The following MVB12A variants were observed in gnomAD, a reference collection of about 807,000 sequenced individuals.
MVB12A encodes the protein multivesicular body subunit 12A, also known as CIN85/CD2AP family binding protein.
A neutral mutation model predicts 34.3 loss-of-function variants in MVB12A; 30 were observed. That is an observed-to-expected ratio of 0.88 (90% CI 0.65 to 1.19). The LOEUF (loss-of-function observed/expected upper bound fraction) is 1.19, where lower values mean the gene tolerates loss of function less well. MVB12A is among the 50% of genes most tolerant of loss of function. MVB12A has a pLI of 0.00. For synonymous variants in MVB12A, 158 were observed against 158.9 expected (o/e 0.99, Z 0.04); for missense variants, 355 against 369.2 (o/e 0.96, Z 0.31).
intron 2 of MVB12A, among the ~76,000 whole-genome samples, chr19:17,409,976 C>T (rs1391085104): frequency 6.6e-6 from 1 of 151,568 alleles, no homozygotes; most frequent in African/African-American, 2.4e-5. Flanking sequence ...CCAGGCTGGT[C>T]TCGAACTCCT....
At chr19:17,412,164 C>T (rs1398469807) in intron 2 of MVB12A, among the ~76,000 whole-genome samples, 4 of 152,212 alleles carry the variant, frequency 2.6e-5, no homozygotes. Context: ...CTGGGGAGAA[C>T]TGAGTGCAGG....
chr19:17,420,683 G>A (rs1345265001), intron 3 of MVB12A, 49 bp downstream of exon 3: 1 of 1,396,236 alleles, frequency 7.2e-7, no homozygotes, highest in Admixed American at 1.7e-5. Context: ...TTGCAGGGAG[G>A]AGCGGGGGAG....
Position 17,420,328 on chromosome 19 carries a change from G to A in MVB12A, c.106G>A (p.Glu36Lys). 1.2e-6 allele frequency: 2 copies of A among 1,612,292 alleles called. No homozygotes were observed. Among genetic ancestry groups the A allele is most frequent in the Non-Finnish European group, 1.7e-6 (2 of 1,179,318 alleles). The part of the protein sequence containing the change: ...RGFSAISCTV[E>K]GAPASFGKSF... ...CTCCCGGTAGATCTCCTGCACCGTC[G>A]AGGGGGCACCCGCCAGCTTTGGCAA... The change falls in exon 2 of 9, where the codon GAG becomes AAG. Residue 36 changes from glutamate (E) to lysine (K), a missense_variant. By Grantham distance (56) the Glu-to-Lys change is moderately conservative. Transcript: ENST00000317040.
intron 2 of MVB12A, among the ~76,000 whole-genome samples, chr19:17,410,939 A>AT (rs768427573): frequency 1.4e-5 from 2 of 146,374 alleles, no homozygotes; most frequent in African/African-American, 5.0e-5. Context: ...AAAAAAAAAA[A>AT]AAAGAAAAGA....
In MVB12A at chr19:17,420,168, G is replaced by T; in HGVS notation, c.33G>T (p.Pro11=). 2.1e-6 allele frequency: 3 copies of T among 1,395,726 alleles called. No homozygotes were observed. Among genetic ancestry groups the T allele is most frequent in the Non-Finnish European group, 1.8e-6 (2 of 1,081,448 alleles). 86.5% of individuals were successfully genotyped at this position (1,395,726 alleles called of 1,614,324 possible). ...CCGTACCCGGGACAGACTCGGCGCC[G>T]CTGGCTGGCCTGGCCTGGTCGTCGG... MDPVPGTDSA[P]LAGLAWSSAS... Residue 11 remains proline, a synonymous_variant, in exon 1 of 9, where the codon CCG becomes CCT. Transcript: ENST00000317040.
At chr19:17,407,352 G>C (rs1320242002) in intron 2 of MVB12A, among the ~76,000 whole-genome samples, 1 of 152,126 alleles carries the variant, frequency 6.6e-6, no homozygotes, top group Non-Finnish European at 1.5e-5. Context: ...GCTGGGCCCG[G>C]GGGACCACTA....
chr19:17,410,183 T>C (rs2074755273), intron 2 of MVB12A, among the ~76,000 whole-genome samples: 1 of 152,030 alleles, frequency 6.6e-6, no homozygotes, highest in African/African-American at 2.4e-5. Context: ...TTTTTTATTT[T>C]CTTTTGAGAC....
rs751028500 is a variant in MVB12A at position 17,424,009 on chromosome 19, T to C, written c.644T>C (p.Met215Thr). 3 of 1,613,974 alleles carry C rather than the reference T, an allele frequency of 1.9e-6. No individual in the cohort carries two copies. In the East Asian group the frequency reaches 6.7e-5, roughly 36 times the overall value. The change falls in exon 7 of 9, where the codon ATG (methionine) becomes ACG (threonine). Residue 215 changes from methionine to threonine, a missense_variant. Coordinates refer to ENST00000317040, the MANE Select transcript of MVB12A (RefSeq NM_138401.4). ...TCCCCTCGCACGTGTTTTTCAGCCA[T>C]GGATGGGGTTCCCTTCACACTCCAC... ...EASSLYGISAMDGVPFTLHPR... is the reference protein window; with the variant it reads ...EASSLYGISATDGVPFTLHPR...
intron 6 of MVB12A, 58 bp from the exon 7 acceptor site, chr19:17,423,948 G>C (rs2074854578): frequency 1.9e-6 from 3 of 1,599,322 alleles, no homozygotes; most frequent in East Asian, 2.2e-5. Context: ...TTGGGCCTCT[G>C]TGGGTGGGGT....
chr19:17,417,589 G>C (rs969585989), upstream of MVB12A: 1 of 151,538 alleles, frequency 6.6e-6, no homozygotes, highest in East Asian at 1.9e-4. Context: ...CTGGGCAACA[G>C]AGCGAGACTC....
At chr19:17,417,248 C>G (rs1321029222), upstream of MVB12A, 1 of 164,262 alleles carries the variant, frequency 6.1e-6, no homozygotes, top group Non-Finnish European at 1.1e-5. Flanking sequence ...TGCCACATCT[C>G]CAATAGAGAT....
At position 17,422,469 on chromosome 19, in the gene MVB12A, C is replaced by A; in HGVS notation, c.413+11C>A. 6.3e-7 allele frequency: 1 copy of A among 1,598,274 alleles called. No homozygotes were observed. The highest frequency in any genetic ancestry group is 8.5e-7 in the Non-Finnish European group (1 of 1,170,834). On this transcript the variant is annotated intron_variant, in intron 4 of 8. Coordinates refer to ENST00000317040, the MANE Select transcript of MVB12A (RefSeq NM_138401.4). ...ATACCTTCGAATAGGGTAGGGCCAC[C>A]CCCCAGTGTCTAGCCACCTTCCCTG...
Position 17,420,615 on chromosome 19 carries a change from C to T in MVB12A, c.267C>T (p.Val89=), listed in dbSNP as rs762766228. 2 of 1,612,704 alleles carry T rather than the reference C, an allele frequency of 1.2e-6. No homozygotes were observed. The highest frequency in any genetic ancestry group is 1.1e-5 in the South Asian group (1 of 91,060). The change falls in exon 3 of 9, where the codon GTC becomes GTT. Residue 89 remains valine (V), a synonymous_variant. Transcript: ENST00000317040. ...CCCTGCCGCTGGGCTTCTCCCCCGT[C>T]TGCGACCCCATGGATTCCAGTAAGG... ...KSPLPLGFSP[V]CDPMDSKASV...
At chr19:17,420,015 G>GCTGGGCCCCCC, upstream of MVB12A, 1 of 221,210 alleles carries the variant, frequency 4.5e-6, no homozygotes, top group East Asian at 8.1e-5. Context: ...GGCAATCTCC[G>GCTGGGCCCCCC]CCCCCCCCCC....
At position 17,424,589 on chromosome 19, in the gene MVB12A, G is replaced by C. The variant is rs369837783; in HGVS notation, c.703-32G>C. On this transcript the variant is annotated intron_variant, in intron 7 of 8. Transcript: ENST00000317040. ...GGAAAGGGGGTTTCAGGTTGAGATC[G>C]GGCCCAAGGCTGACCCACCTCTGCC... 984 of 1,605,220 alleles carry C rather than the reference G, an allele frequency of 6.1e-4. 7 individuals carry two copies. The African/African-American group carries it at 8.4e-3, about 14-fold the overall frequency.
At position 17,423,731 on chromosome 19, in the gene MVB12A, G is replaced by A. The variant is rs147706400; in HGVS notation, c.572G>A (p.Gly191Asp). 6.2e-7 allele frequency: 1 copy of A among 1,614,008 alleles called. No individual in the cohort carries two copies. Among genetic ancestry groups the A allele is most frequent in the Non-Finnish European group, 8.5e-7 (1 of 1,179,950 alleles). The change falls in exon 6 of 9, where the codon GGC (glycine) becomes GAC (aspartate). Residue 191 changes from glycine to aspartate, a missense_variant. Gly to Asp is a moderately conservative substitution (Grantham distance 94). Transcript: ENST00000317040. ...GLLERTASRL[G>D]SRASTLRRND... ...CTGGAGCGGACAGCGTCAAGGCTGG[G>A]CTCTCGGGCATCCACTCTGCGGAGG...
At chr19:17,423,952 G>C in intron 6 of MVB12A, 54 bp from the exon 7 acceptor site, 3 of 1,600,894 alleles carry the variant, frequency 1.9e-6, no homozygotes, top group Non-Finnish European at 2.6e-6. Context: ...GCCTCTGTGG[G>C]TGGGGTGGGC....
intron 2 of MVB12A, among the ~76,000 whole-genome samples, chr19:17,407,900 C>G (rs1200088149): frequency 2.0e-5 from 3 of 152,234 alleles, no homozygotes; most frequent in African/African-American, 7.2e-5. Context: ...GCTCGGGCAA[C>G]GGGCGTCTTC....
chr19:17,418,976 A>G (rs762596465), upstream of MVB12A: 1 of 151,864 alleles, frequency 6.6e-6, no homozygotes, highest in African/African-American at 2.4e-5. Flanking sequence ...ACCAGATACC[A>G]GAGGAAGATA....
Sources: gnomAD v4.1 joint callset for allele counts (sites outside exome capture counted in the v4.1 genomes callset) on GRCh38, gnomAD v4.1.1 for gene constraint, MANE v1.5 for transcripts, NCBI Gene and HGNC (gene_info 2026-07-23, HGNC 2026-07-21) for gene names.